SLC25A48: variants seen among roughly 807,000 people sequenced by gnomAD.
The protein encoded by SLC25A48 is solute carrier family 25 member 48.
Under a neutral mutation model 32.2 loss-of-function variants are expected in SLC25A48, and 29 were observed. The ratio of observed to expected loss-of-function variants is 0.90; its 90% CI spans 0.67 to 1.23. The LOEUF (loss-of-function observed/expected upper bound fraction) is 1.23, where lower values mean the gene tolerates loss of function less well. Ranked by LOEUF, SLC25A48 falls within the 50% of genes most tolerant of loss-of-function variation. The pLI, the probability that SLC25A48 is intolerant of heterozygous loss-of-function variation, is 0.00. For synonymous variants in SLC25A48, 164 were observed against 172.3 expected (o/e 0.95, Z 0.38); for missense variants, 399 against 422.7 (o/e 0.94, Z 0.49).
chr5:135,782,270 T>G (rs73789161), intron 3 of SLC25A48, among the ~76,000 whole-genome samples: 1,555 of 115,752 alleles, frequency 0.013, 227 homozygotes, highest in African/African-American at 0.038. Flanking sequence ...GCAGAGGGTA[T>G]ACACCCCACT....
At chr5:135,706,757 G>A (rs1754520908) in intron 3 of SLC25A48, among the ~76,000 whole-genome samples, 1 of 152,186 alleles carries the variant, frequency 6.6e-6, no homozygotes, top group Non-Finnish European at 1.5e-5. Context: ...CCACTGATGT[G>A]CAGACAGGTC....
intron 2 of SLC25A48, among the ~76,000 whole-genome samples, chr5:135,631,976 C>G (rs973305583): frequency 2.0e-5 from 3 of 152,194 alleles, no homozygotes; most frequent in Non-Finnish European, 4.4e-5. Flanking sequence ...GATGTCAGCC[C>G]ACAAGTGCCT....
intron 3 of SLC25A48, among the ~76,000 whole-genome samples, chr5:135,791,235 G>T (rs1014513319): frequency 6.6e-6 from 1 of 151,668 alleles, no homozygotes; most frequent in Non-Finnish European, 1.5e-5. Context: ...AATATCCTAG[G>T]TGATATTATG....
At chr5:135,606,498 T>G (rs1254727011) in intron 1 of SLC25A48, among the ~76,000 whole-genome samples, 1 of 152,176 alleles carries the variant, frequency 6.6e-6, no homozygotes, top group Non-Finnish European at 1.5e-5. Flanking sequence ...GGCAGGCTCT[T>G]TTCATCCTTG....
intron 3 of SLC25A48, among the ~76,000 whole-genome samples, chr5:135,648,072 G>A (rs1561773955): frequency 6.6e-6 from 1 of 152,122 alleles, no homozygotes; most frequent in Admixed American, 6.6e-5. Flanking sequence ...GATTCATTCC[G>A]GGGTCCACTG....
At chr5:135,594,545 G>T (rs1011290492) in intron 1 of SLC25A48, among the ~76,000 whole-genome samples, 1 of 152,198 alleles carries the variant, frequency 6.6e-6, no homozygotes, top group Non-Finnish European at 1.5e-5. Flanking sequence ...TGATTGTGAA[G>T]ATTGCATCAG....
At chr5:135,650,149 G>A (rs150601836) in intron 3 of SLC25A48, 1 of 199,474 alleles carries the variant, frequency 5.0e-6, no homozygotes, top group African/African-American at 2.4e-5. Context: ...AAGCTGTCAG[G>A]AGGCCCAGCT....
At chr5:135,881,283 T>C (rs1762454143) in intron 7 of SLC25A48, among the ~76,000 whole-genome samples, 1 of 152,230 alleles carries the variant, frequency 6.6e-6, no homozygotes, top group Non-Finnish European at 1.5e-5. Flanking sequence ...GATCTTTGTC[T>C]ATAAAACCTC....
intron 3 of SLC25A48, among the ~76,000 whole-genome samples, chr5:135,758,132 TTGTTAACACAC>T (rs1230123258): frequency 6.6e-6 from 1 of 150,786 alleles, no homozygotes; most frequent in Non-Finnish European, 1.5e-5. Context: ...ATCTCTGGTA[TTGTTAACACAC>T]GATGATATGA....
intron 1 of SLC25A48, among the ~76,000 whole-genome samples, chr5:135,583,616 G>T (rs1481000395): frequency 6.6e-6 from 1 of 151,664 alleles, no homozygotes; most frequent in Admixed American, 6.6e-5. Flanking sequence ...CTGCATACAA[G>T]ATCTCCCTGT....
chr5:135,685,431 C>G (rs1467352140), intron 3 of SLC25A48, among the ~76,000 whole-genome samples: 2 of 129,754 alleles, frequency 1.5e-5, no homozygotes, highest in Admixed American at 1.6e-4. Flanking sequence ...GATGTAAGGA[C>G]TTTTTTTTTT....
chr5:135,590,789 C>T (rs1007976362), intron 1 of SLC25A48, among the ~76,000 whole-genome samples: 10 of 152,220 alleles, frequency 6.6e-5, no homozygotes, highest in South Asian at 2.1e-4. Flanking sequence ...GATCCAGACA[C>T]GCCATGGCTC....
chr5:135,614,052 ATT>A (rs1188341573), intron 1 of SLC25A48, among the ~76,000 whole-genome samples: 108 of 152,300 alleles, frequency 7.1e-4, no homozygotes, highest in African/African-American at 2.5e-3. Context: ...TATTAATAAT[ATT>A]AATTCTTCTA....
chr5:135,767,955 C>CA (rs1561483299), intron 3 of SLC25A48, among the ~76,000 whole-genome samples: 18 of 134,288 alleles, frequency 1.3e-4, no homozygotes, highest in African/African-American at 5.9e-4. Context: ...TTTGTAATAT[C>CA]CGGGGGGGGG....
intron 4 of SLC25A48, among the ~76,000 whole-genome samples, chr5:135,859,945 C>A (rs1760650508): frequency 6.6e-6 from 1 of 152,116 alleles, no homozygotes; most frequent in South Asian, 2.1e-4. Context: ...GGCTGGCAAT[C>A]CTTTATGTCT....
intron 3 of SLC25A48, among the ~76,000 whole-genome samples, chr5:135,791,282 T>C (rs1329059015): frequency 6.6e-6 from 1 of 151,930 alleles, no homozygotes; most frequent in East Asian, 1.9e-4. Flanking sequence ...TGTGATATTA[T>C]TCATAATATC....
chr5:135,655,271 G>A (rs1227785732), intron 3 of SLC25A48, among the ~76,000 whole-genome samples: 2 of 152,180 alleles, frequency 1.3e-5, no homozygotes, highest in Non-Finnish European at 2.9e-5. Context: ...GGGGCCAGGC[G>A]CTTTCTAAGT....
intron 4 of SLC25A48, among the ~76,000 whole-genome samples, chr5:135,865,311 G>A (rs1761101731): frequency 6.6e-6 from 1 of 152,160 alleles, no homozygotes; most frequent in Non-Finnish European, 1.5e-5. Context: ...GAACTAGGTA[G>A]GAGCTTCCCA....
chr5:135,663,538 T>C (rs563254121), intron 3 of SLC25A48, among the ~76,000 whole-genome samples: 6 of 152,384 alleles, frequency 3.9e-5, no homozygotes, highest in Admixed American at 1.3e-4. Flanking sequence ...ATGGAAATCC[T>C]TCTCCCATGT....
Sources: gnomAD v4.1 joint callset for allele counts (sites outside exome capture counted in the v4.1 genomes callset) on GRCh38, gnomAD v4.1.1 for gene constraint, MANE v1.5 for transcripts, NCBI Gene and HGNC (gene_info 2026-07-23, HGNC 2026-07-21) for gene names.